SRD5A2: variants seen among roughly 807,000 people sequenced by gnomAD.
The protein encoded by SRD5A2 is steroid 5 alpha-reductase 2, also known as 3-oxo-5-alpha-steroid 4-dehydrogenase 2.
A neutral mutation model predicts 27.4 loss-of-function variants in SRD5A2; 30 were observed. That is an observed-to-expected ratio of 1.10 (90% confidence interval 0.82 to 1.49). SRD5A2 has a LOEUF of 1.49. Among genes scored for constraint, SRD5A2 ranks in the 40% most tolerant of loss-of-function variants. The pLI, the probability that SRD5A2 is intolerant of heterozygous loss-of-function variation, is 0.00. For missense variants in SRD5A2, 348 were observed against 323.4 expected, an observed-to-expected ratio of 1.08 and a Z score of -0.58; for synonymous variants, 141 against 133.6, an observed-to-expected ratio of 1.06 and a Z score of -0.38.
chr2:31,566,337 G>GA (rs1018570417), intron 1 of SRD5A2, among the ~76,000 whole-genome samples: 7 of 151,534 alleles, frequency 4.6e-5, no homozygotes, highest in Admixed American at 3.3e-4. Flanking sequence ...GTAAGCATAA[G>GA]AAAAAACATA....
chr2:31,586,315 G>A, the SRD5A2 span, among the ~76,000 whole-genome samples: 2 of 152,182 alleles, frequency 1.3e-5, no homozygotes, highest in African/African-American at 2.4e-5. Context: ...GACCCACCTG[G>A]GGCTTGGGGG....
chr2:31,527,610 C>T (rs566146096), intron 4 of SRD5A2: 1 of 152,200 alleles, frequency 6.6e-6, no homozygotes, highest in Non-Finnish European at 1.5e-5. Context: ...TAGAGTCCCT[C>T]CTTCCCAGGG....
At chr2:31,629,814 C>G in the SRD5A2 span, among the ~76,000 whole-genome samples, 7 of 152,156 alleles carry the variant, frequency 4.6e-5, no homozygotes, top group African/African-American at 1.7e-4. Context: ...AAATGTAGCC[C>G]CAAAATTCTA....
chr2:31,580,837 C>A lies in SRD5A2; in HGVS notation c.64G>T (p.Ala22Ser), dbSNP rs1217041314. Residue 22 changes from alanine to serine, a missense_variant, in exon 1 of 5, where the codon GCA becomes TCA. Transcript: ENST00000622030. ...AGSATLVALG[A>S]LALYVAKPSG... ...GGCTTCGCGACGTACAAGGCCAGTGCCCCAAGGGCGACCAAAGTGGCGCTG... is the reference window on the plus strand; with the variant it reads ...GGCTTCGCGACGTACAAGGCCAGTGACCCAAGGGCGACCAAAGTGGCGCTG... The A allele has an allele frequency of 1.9e-6, 3 of 1,611,978 alleles. No homozygotes were observed. The highest frequency in any genetic ancestry group is 3.3e-5 in the Admixed American group (2 of 59,998).
chr2:31,560,934 A>G (rs1451081144), intron 1 of SRD5A2, among the ~76,000 whole-genome samples: 3 of 152,078 alleles, frequency 2.0e-5, no homozygotes, highest in Non-Finnish European at 4.4e-5. Flanking sequence ...AAAGGCAGCA[A>G]CTCATCTAGT....
chr2:31,534,367 T>G (rs1665981062), intron 1 of SRD5A2, among the ~76,000 whole-genome samples: 1 of 152,090 alleles, frequency 6.6e-6, no homozygotes, highest in South Asian at 2.1e-4. Context: ...GACCTAATAT[T>G]TACTCATTGT....
intron 1 of SRD5A2, among the ~76,000 whole-genome samples, chr2:31,571,482 A>G (rs1666848133): frequency 6.6e-6 from 1 of 152,194 alleles, no homozygotes; most frequent in Non-Finnish European, 1.5e-5. Flanking sequence ...TGACAAAGAC[A>G]CCAAAAGCAA....
the SRD5A2 span, among the ~76,000 whole-genome samples, chr2:31,631,375 C>A: frequency 6.6e-6 from 1 of 152,024 alleles, no homozygotes; most frequent in Admixed American, 6.6e-5. Context: ...TGTTTACGCA[C>A]CCTGGAAAAG....
At chr2:31,600,604 T>C in the SRD5A2 span, among the ~76,000 whole-genome samples, 2 of 151,940 alleles carry the variant, frequency 1.3e-5, no homozygotes, top group South Asian at 4.1e-4. Flanking sequence ...TTTTTTCATA[T>C]GCTTGTTGGC....
the SRD5A2 span, among the ~76,000 whole-genome samples, chr2:31,592,474 G>T: frequency 6.6e-6 from 1 of 152,188 alleles, no homozygotes; most frequent in East Asian, 1.9e-4. Flanking sequence ...CTCCACCAGA[G>T]CAGACACTGG....
upstream of SRD5A2, among the ~76,000 whole-genome samples, chr2:31,581,635 C>T (rs2148107964): frequency 6.6e-6 from 1 of 152,292 alleles, no homozygotes; most frequent in Non-Finnish European, 1.5e-5. Context: ...GAGGAGCGTC[C>T]GCTGAGCTCG....
chr2:31,531,322 G>T (rs1456211780), intron 3 of SRD5A2, 49 bp downstream of exon 3: 2 of 1,366,036 alleles, frequency 1.5e-6, no homozygotes, highest in Non-Finnish European at 2.0e-6. Flanking sequence ...ATCATCCCTG[G>T]GACAGGCTCC....
chr2:31,529,230 C>G, intron 4 of SRD5A2, 77 bp downstream of exon 4: 2 of 1,566,098 alleles, frequency 1.3e-6, no homozygotes, highest in Non-Finnish European at 1.7e-6. Flanking sequence ...GTTTCTCAAT[C>G]TTCCTCTGCG....
chr2:31,635,477 A>G, the SRD5A2 span, among the ~76,000 whole-genome samples: 1 of 151,710 alleles, frequency 6.6e-6, no homozygotes, highest in Non-Finnish European at 1.5e-5. Context: ...AGTTGCAAAT[A>G]TTTTCTCTCA....
At chr2:31,545,524 T>C (rs978556576) in intron 1 of SRD5A2, among the ~76,000 whole-genome samples, 11 of 152,116 alleles carry the variant, frequency 7.2e-5, no homozygotes, top group Admixed American at 5.2e-4. Flanking sequence ...AAAAATTCAC[T>C]CTTTCATGAT....
At chr2:31,565,982 A>C (rs1279641397) in intron 1 of SRD5A2, among the ~76,000 whole-genome samples, 4 of 152,082 alleles carry the variant, frequency 2.6e-5, no homozygotes, top group African/African-American at 9.7e-5. Context: ...AAATTCAGTA[A>C]GTTTAAAAGG....
At chr2:31,527,520 G>T (rs182458918) in intron 4 of SRD5A2, 1 of 152,328 alleles carries the variant, frequency 6.6e-6, no homozygotes, top group Non-Finnish European at 1.5e-5. Flanking sequence ...ATCACAGGAT[G>T]AGGCCTCAAT....
intron 1 of SRD5A2, among the ~76,000 whole-genome samples, chr2:31,573,719 C>T (rs1666897754): frequency 6.6e-6 from 1 of 152,184 alleles, no homozygotes; most frequent in Non-Finnish European, 1.5e-5. Flanking sequence ...GGGAGCAGGA[C>T]CTGCCAAAGG....
intron 1 of SRD5A2, among the ~76,000 whole-genome samples, chr2:31,557,144 T>C (rs972580016): frequency 4.6e-5 from 7 of 152,366 alleles, no homozygotes; most frequent in Non-Finnish European, 1.0e-4. Context: ...TGCAGTCACA[T>C]GTCCACATCA....
Sources: allele counts gnomAD v4.1 joint callset (sites outside exome capture counted in the v4.1 genomes callset), GRCh38; gene constraint gnomAD v4.1.1; transcripts MANE v1.5; gene names NCBI Gene and HGNC (gene_info 2026-07-23, HGNC 2026-07-21).